Variants in CCP110 observed in about 807,000 individuals in gnomAD.
CCP110 encodes the protein centriolar coiled-coil protein 110.
A neutral mutation model predicts 105.5 loss-of-function variants in CCP110; 43 were observed. The observed-to-expected ratio is 0.41, with a 90% CI of 0.32 to 0.53. The LOEUF is 0.53. CCP110 is among the 20% of genes least tolerant of loss of function. The pLI, the probability that CCP110 is intolerant of heterozygous loss-of-function variation, is 0.32. For synonymous variants in CCP110, 353 were observed against 392.1 expected (o/e 0.90, Z 1.18); for missense variants, 1,016 against 1,189.1 (o/e 0.85, Z 2.14).
rs17227190 is a variant in CCP110 at position 19,537,418 on chromosome 16, A to G, written c.1749A>G (p.Lys583=). 118,747 of 1,613,200 alleles carry G rather than the reference A, an allele frequency of 0.074. 4,737 individuals carry two copies. Among genetic ancestry groups the G allele is most frequent in the East Asian group, 0.12 (5,419 of 44,886 alleles). The change falls in exon 4 of 15, where the codon AAA becomes AAG. Residue 583 remains lysine, a synonymous_variant. Transcript: ENST00000381396. ...AATTTTTGGATAACAGTTTTGAGAA[A>G]GTTAAACGGAGACTTGATTTAGATA...
chr16:19,525,068 C>G (rs906959562), intron 1 of CCP110: 3 of 152,120 alleles, frequency 2.0e-5, no homozygotes, highest in African/African-American at 7.2e-5. Context: ...TAGTACGCAT[C>G]TGAATAAGAA....
intron 9 of CCP110, 53 bp downstream of exon 9, chr16:19,544,951 C>G: frequency 3.7e-6 from 4 of 1,075,460 alleles, no homozygotes; most frequent in Middle Eastern, 4.1e-4. Context: ...TATATTTCTC[C>G]TTTTTTATTT....
intron 4 of CCP110, among the ~76,000 whole-genome samples, chr16:19,537,844 G>A (rs145264269): frequency 1.2e-4 from 18 of 152,144 alleles, no homozygotes; most frequent in East Asian, 9.7e-4. Flanking sequence ...TACAACCTCC[G>A]CCTCCTGGGC....
intron 1 of CCP110, chr16:19,526,070 G>A (rs1176742519): frequency 2.0e-5 from 3 of 152,258 alleles, no homozygotes; most frequent in Non-Finnish European, 2.9e-5. Context: ...TGAGTAATGC[G>A]TTGTCATATG....
At position 19,548,941 on chromosome 16, in the gene CCP110, A is replaced by G. The variant is rs1970548797; in HGVS notation, c.2986+341A>G. Among the ~76,000 whole-genome samples the G allele has an allele frequency of 6.6e-6, 1 of 152,184 alleles. No homozygotes were observed. Among genetic ancestry groups the G allele is most frequent in the Non-Finnish European group, 1.5e-5 (1 of 68,042 alleles). Reference sequence around the variant, plus strand: ...ATCATCTCTGGTGCTAAGTCTGTGCATTGTCTGTTCAGCTTGGGGAAGTGT... The same window carrying G: ...ATCATCTCTGGTGCTAAGTCTGTGCGTTGTCTGTTCAGCTTGGGGAAGTGT... On this transcript the variant is annotated intron_variant, in intron 14 of 14. Transcript: ENST00000381396. This position sits in a 1 kb window ranked among gnomAD's most constrained non-coding sequence, Gnocchi z 4.1.
chr16:19,536,022 A>G (rs779817862), exon 4 of CCP110: 1 of 1,614,008 alleles, frequency 6.2e-7, no homozygotes. Flanking sequence ...AGAAACTTGA[A>G]TGTTCCTGCT....
chr16:19,530,448 C>T (rs1199136536), intron 2 of CCP110, among the ~76,000 whole-genome samples: 1 of 151,802 alleles, frequency 6.6e-6, no homozygotes, highest in South Asian at 2.1e-4. Context: ...GAGGCTGAGA[C>T]CAGCCTGGCC....
intron 1 of CCP110, 133 bp downstream of exon 1, chr16:19,524,221 A>T (rs1279641445): frequency 6.6e-6 from 1 of 152,300 alleles, no homozygotes; most frequent in Non-Finnish European, 1.5e-5. Context: ...CCCCCTGGAA[A>T]GGCGCCGGCT....
exon 5 of CCP110, chr16:19,540,767 G>C: frequency 6.2e-7 from 1 of 1,613,600 alleles, no homozygotes; most frequent in Non-Finnish European, 8.5e-7. Context: ...GCAGGAAAGG[G>C]AACAAGAAAG....
chr16:19,529,211 G>A (rs1969781199), intron 2 of CCP110, among the ~76,000 whole-genome samples: 1 of 152,148 alleles, frequency 6.6e-6, no homozygotes, highest in Non-Finnish European at 1.5e-5. Flanking sequence ...CTGGGGAGTG[G>A]TGAGAGAATA....
intron 1 of CCP110, chr16:19,526,645 CTT>C (rs959794785): frequency 1.3e-5 from 2 of 151,702 alleles, no homozygotes; most frequent in Non-Finnish European, 2.9e-5. Context: ...AGCATTATAT[CTT>C]ATTTTTTTAT....
chr16:19,541,783 A>G, intron 5 of CCP110, 104 bp from the exon 6 acceptor site: 1 of 542,472 alleles, frequency 1.8e-6, no homozygotes, highest in Non-Finnish European at 3.1e-6. Context: ...GAAATAAATA[A>G]TAATTGCTGA....
intron 3 of CCP110, among the ~76,000 whole-genome samples, chr16:19,533,750 TG>T (rs1312069893): frequency 1.3e-5 from 2 of 152,208 alleles, no homozygotes; most frequent in Non-Finnish European, 2.9e-5. Context: ...AACTCTGGGT[TG>T]GTGTAAAGAT....
intron 4 of CCP110, among the ~76,000 whole-genome samples, chr16:19,538,518 C>T (rs1567357938): frequency 6.6e-6 from 1 of 151,310 alleles, no homozygotes; most frequent in Non-Finnish European, 1.5e-5. Flanking sequence ...CCATGTTGGC[C>T]AGGCTGCTCT....
intron 9 of CCP110, 67 bp from the exon 10 acceptor site, chr16:19,545,027 A>T: frequency 9.8e-7 from 1 of 1,017,748 alleles, no homozygotes; most frequent in Admixed American, 2.0e-5. Flanking sequence ...TGTACATGGT[A>T]TATAGTATTC....
chr16:19,541,233 A>G (rs1970265484), intron 5 of CCP110, among the ~76,000 whole-genome samples: 1 of 151,838 alleles, frequency 6.6e-6, no homozygotes, highest in Admixed American at 6.6e-5. Flanking sequence ...ACTGCACTCC[A>G]GCCTGGGCAA....
intron 3 of CCP110, 100 bp downstream of exon 3, chr16:19,532,644 G>T: frequency 1.1e-6 from 1 of 908,306 alleles, no homozygotes; most frequent in Non-Finnish European, 1.7e-6. Context: ...AATTACTAAT[G>T]TACTTTACTG....
Position 19,541,936 on chromosome 16 carries a change from C to T in CCP110, c.2099C>T (p.Ala700Val), listed in dbSNP as rs562195808. 55 of 1,604,446 alleles carry T rather than the reference C, an allele frequency of 3.4e-5. No individual in the cohort carries two copies. The African/African-American group carries it at 3.5e-4, about 10-fold the overall frequency. Residue 700 changes from alanine to valine, a missense_variant, in exon 6 of 15, where the codon GCG (alanine) becomes GTG (valine). Ala to Val is a moderately conservative substitution (Grantham distance 64). Coordinates refer to ENST00000381396, the Ensembl canonical transcript of CCP110. ...TTAAAAGAGAAGAAGGCAATGACAG[C>T]GGAAGCCTCTGAGTTGGACATTAAC...
chr16:19,527,915 C>A (rs1319614794), exon 2 of CCP110: 3 of 1,613,430 alleles, frequency 1.9e-6, no homozygotes, highest in Non-Finnish European at 2.5e-6. Context: ...TGAAAAAAGT[C>A]TTGCCAGAAT....
Sources: gnomAD v4.1 joint callset for allele counts (sites outside exome capture counted in the v4.1 genomes callset) on GRCh38, gnomAD v4.1.1 for gene constraint, Gnocchi (gnomAD v3.1) non-coding constraint, MANE v1.5 for transcripts, NCBI Gene and HGNC (gene_info 2026-07-23, HGNC 2026-07-21) for gene names.